Variants in RAB40C observed in about 807,000 individuals in gnomAD.
The protein encoded by RAB40C is RAB40C, member RAS oncogene family, also known as ras-related protein Rab-40C.
RAB40C carries 8 observed loss-of-function variants against 28.1 expected under a neutral mutation model. The observed-to-expected ratio is 0.28, with a 90% confidence interval of 0.17 to 0.51. The LOEUF (loss-of-function observed/expected upper bound fraction) is 0.51, where lower values mean the gene tolerates loss of function less well. RAB40C is among the 20% of genes least tolerant of loss of function. The pLI is 0.97. For synonymous variants in RAB40C, 201 were observed against 171.7 expected, an observed-to-expected ratio of 1.17 and a Z score of -1.34; for missense variants, 288 against 405.9, an observed-to-expected ratio of 0.71 and a Z score of 2.50.
chr16:611,187 G>A (rs2036475603), intron 1 of RAB40C, among the ~76,000 whole-genome samples: 2 of 152,170 alleles, frequency 1.3e-5, no homozygotes, highest in Admixed American at 1.3e-4. Flanking sequence ...CTGTGGGTGG[G>A]TGACGTGGTC....
At position 625,958 on chromosome 16, in the gene RAB40C, G is replaced by T. The variant is rs754142791; in HGVS notation, c.402G>T (p.Arg134=). The change falls in exon 5 of 6, where the codon CGG becomes CGT. Residue 134 remains arginine, a synonymous_variant. Coordinates refer to ENST00000248139, the MANE Select transcript of RAB40C (RefSeq NM_021168.5). The part of the protein sequence containing the change: ...VGNRLHLAFK[R]QVPTEQARAY... Reference sequence around the variant, plus strand: ...ACCGGCTGCACCTGGCCTTCAAGCGGCAGGTCCCGACGGAGCAGGCCCGCG... The same window carrying T: ...ACCGGCTGCACCTGGCCTTCAAGCGTCAGGTCCCGACGGAGCAGGCCCGCG... 4.3e-6 allele frequency: 7 copies of T among 1,612,974 alleles called. No individual in the cohort carries two copies. In the African/African-American group the frequency reaches 8.0e-5, roughly 18 times the overall value.
chr16:601,767 G>C (rs1183242385), intron 1 of RAB40C, among the ~76,000 whole-genome samples: 1 of 147,622 alleles, frequency 6.8e-6, no homozygotes, highest in Non-Finnish European at 1.5e-5. Flanking sequence ...CTGAGGCCGG[G>C]GGTTCAGACT....
chr16:622,265 C>G (rs965800778), intron 3 of RAB40C, among the ~76,000 whole-genome samples: 1 of 152,208 alleles, frequency 6.6e-6, no homozygotes, highest in Non-Finnish European at 1.5e-5. Flanking sequence ...CATATTGCCA[C>G]CGTTACCCAA....
chr16:589,669 G>C (rs963603322), upstream of RAB40C: 1 of 152,206 alleles, frequency 6.6e-6, no homozygotes, highest in African/African-American at 2.4e-5. Context: ...GGCGGCTCTG[G>C]GATTTCTCTG....
In RAB40C at chr16:601,745, G is replaced by C. The variant is rs896354118; in HGVS notation, c.142+11312G>C. Among the ~76,000 whole-genome samples, 3 of 149,268 alleles carry C rather than the reference G, an allele frequency of 2.0e-5. No homozygotes were observed. The Admixed American group carries it at 2.0e-4, about 10-fold the overall frequency. On this transcript the variant is annotated intron_variant, in intron 1 of 5. Transcript: ENST00000248139. ...AATCCCAGCTACTTGGGAAGTCAAG[G>C]CAGGCGATCCCCTGAGGCCGGGGGT...
chr16:616,255 CAAAA>C, intron 1 of RAB40C, among the ~76,000 whole-genome samples: 1 of 113,432 alleles, frequency 8.8e-6, no homozygotes, highest in Admixed American at 9.1e-5. Context: ...GACTCTGTCT[CAAAA>C]AAAAAAAAAA....
chr16:598,802 C>T (rs1033766947), intron 1 of RAB40C, among the ~76,000 whole-genome samples: 2 of 152,110 alleles, frequency 1.3e-5, no homozygotes, highest in African/African-American at 4.8e-5. Context: ...TGGAAATGGG[C>T]AGGTACTTTA....
At chr16:626,973 A>G (rs574414996) in intron 5 of RAB40C, among the ~76,000 whole-genome samples, 3 of 152,108 alleles carry the variant, frequency 2.0e-5, no homozygotes, top group Non-Finnish European at 4.4e-5. Context: ...TGCTCTAGGG[A>G]ATGAGTCAGG....
chr16:609,409 G>T (rs1463498968), intron 1 of RAB40C, among the ~76,000 whole-genome samples: 3 of 152,188 alleles, frequency 2.0e-5, no homozygotes, highest in Non-Finnish European at 4.4e-5. Context: ...AGGGCCTCCT[G>T]ATATGCAGAT....
In RAB40C at chr16:610,813, C is replaced by T. The variant is rs1386831914; in HGVS notation, c.143-6395C>T. Among the ~76,000 whole-genome samples, 1 of 152,048 alleles carries T rather than the reference C, an allele frequency of 6.6e-6. No homozygotes were observed. Among genetic ancestry groups the T allele is most frequent in the African/African-American group, 2.4e-5 (1 of 41,400 alleles). On this transcript the variant is annotated intron_variant, in intron 1 of 5. Coordinates refer to ENST00000248139, the MANE Select transcript of RAB40C (RefSeq NM_021168.5). The surrounding 1 kb of genome is among the most constrained non-coding windows in gnomAD (Gnocchi z 4.6). ...TGAGACCTTCCAGGCCAAGGGCCCC[C>T]TCCCCAGGATCCTGACACCTGTCCC...
rs1475952215 is a variant in RAB40C at position 625,972 on chromosome 16, A to G, written c.416A>G (p.Glu139Gly). Residue 139 changes from glutamate to glycine, a missense_variant, in exon 5 of 6, where the codon GAG (glutamate) becomes GGG (glycine). Glu to Gly is a moderately conservative substitution (Grantham distance 98). Transcript: ENST00000248139. ...HLAFKRQVPT[E>G]QARAYAEKNC... ...GCCTTCAAGCGGCAGGTCCCGACGG[A>G]GCAGGCCCGCGCGTACGCAGAGAAG... 2.5e-6 allele frequency: 4 copies of G among 1,613,138 alleles called. No individual in the cohort carries two copies. The highest frequency in any genetic ancestry group is 3.4e-6 in the Non-Finnish European group (4 of 1,179,978).
intron 2 of RAB40C, among the ~76,000 whole-genome samples, chr16:617,580 C>G (rs536456704): frequency 6.6e-6 from 1 of 152,086 alleles, no homozygotes; most frequent in Non-Finnish European, 1.5e-5. Context: ...TGGTGGCTCA[C>G]GCCTGTCATC....
At chr16:622,520 G>GT (rs1354065297) in intron 3 of RAB40C, among the ~76,000 whole-genome samples, 1 of 152,208 alleles carries the variant, frequency 6.6e-6, no homozygotes, top group Non-Finnish European at 1.5e-5. Flanking sequence ...CTTTTGTTTT[G>GT]TTTTTTGAGA....
chr16:607,634 AC>A (rs1331736064), intron 1 of RAB40C, among the ~76,000 whole-genome samples: 3 of 151,792 alleles, frequency 2.0e-5, no homozygotes, highest in Non-Finnish European at 4.4e-5. Context: ...TACCAAAAAT[AC>A]AAAAAATTAG....
rs1394252005 is a variant in RAB40C, at chr16:590,199, G to T, written c.-93G>T. 1.0e-6 allele frequency: 1 copy of T among 988,384 alleles called. No homozygotes were observed. The highest frequency in any genetic ancestry group is 1.8e-5 in the African/African-American group (1 of 56,980). 61.2% of individuals were successfully genotyped at this position (988,384 alleles called of 1,614,324 possible). On this transcript the variant is annotated 5_prime_UTR_variant, in exon 1 of 6. Coordinates refer to ENST00000248139, the MANE Select transcript of RAB40C (RefSeq NM_021168.5). ...TCGGCCGCCGTGGGGCGGACGCAAC[G>T]GGCGCAGGTGCGGGGCGCGGGCTCT...
chr16:611,678 G>A (rs1459491011), intron 1 of RAB40C, among the ~76,000 whole-genome samples: 1 of 130,412 alleles, frequency 7.7e-6, no homozygotes, highest in African/African-American at 3.0e-5. Context: ...CAGCCGCCCT[G>A]GCCTGTAGAA....
chr16:612,994 A>C (rs1368826366), intron 1 of RAB40C, among the ~76,000 whole-genome samples: 5 of 85,556 alleles, frequency 5.8e-5, no homozygotes, highest in East Asian at 7.5e-4. Flanking sequence ...TGGCCTGTAG[A>C]ATCAAGAGCA....
At chr16:593,984 C>T (rs1231009880) in intron 1 of RAB40C, among the ~76,000 whole-genome samples, 2 of 152,158 alleles carry the variant, frequency 1.3e-5, no homozygotes, top group Non-Finnish European at 2.9e-5. Context: ...CAGGAGCGAA[C>T]CTGCAGTCAG....
At chr16:592,480 G>A (rs1407031055) in intron 1 of RAB40C, among the ~76,000 whole-genome samples, 1 of 152,182 alleles carries the variant, frequency 6.6e-6, no homozygotes, top group African/African-American at 2.4e-5. Context: ...TGAGGTGGGG[G>A]AAGTGTAAGG....
Sources: gnomAD v4.1 joint callset for allele counts (sites outside exome capture counted in the v4.1 genomes callset) on GRCh38, gnomAD v4.1.1 for gene constraint, Gnocchi (gnomAD v3.1) non-coding constraint, MANE v1.5 for transcripts, NCBI Gene and HGNC (gene_info 2026-07-23, HGNC 2026-07-21) for gene names.